The following ARHGAP20 variants were observed in gnomAD, a reference collection of about 807,000 sequenced individuals.
ARHGAP20 encodes Rho GTPase activating protein 20.
A neutral mutation model predicts 73.7 loss-of-function variants in ARHGAP20; 34 were observed. The ratio of observed to expected loss-of-function variants is 0.46; its 90% CI spans 0.35 to 0.61. The LOEUF (loss-of-function observed/expected upper bound fraction) is 0.61. Among genes scored for constraint, ARHGAP20 ranks in the 20% least tolerant of loss-of-function variants. The pLI, the probability that ARHGAP20 is intolerant of heterozygous loss-of-function variation, is 0.00. For missense variants in ARHGAP20, 1,314 were observed against 1,420.9 expected, an observed-to-expected ratio of 0.92 and a Z score of 1.21; for synonymous variants, 523 against 518.2, an observed-to-expected ratio of 1.01 and a Z score of -0.13.
At chr11:110,657,920 G>GAGGAAGGAAGGA (rs3044293) in intron 2 of ARHGAP20, among the ~76,000 whole-genome samples, 2,702 of 134,058 alleles carry the variant, frequency 0.02, 48 homozygotes, top group Non-Finnish European at 0.023. Context: ...AAAAGAGAGA[G>GAGGAAGGAAGGA]AGGAAGGAAG....
chr11:110,687,035 C>CATATATATATATATATAT lies in ARHGAP20; in HGVS notation c.188+3494_188+3511dup, dbSNP rs142490183. ...GCAGGAAATTAACTGAAGATTAAAA[C>CATATATATATATATATAT]ATATATATATATATATATATAGACA... is the stretch of plus-strand genomic sequence containing the variant. On this transcript the variant is annotated intron_variant, in intron 2 of 14. Transcript: ENST00000683387. Among the ~76,000 whole-genome samples the CATATATATATATATATAT allele has an allele frequency of 7.8e-3, 954 of 121,744 alleles. 13 individuals carry two copies. The highest frequency in any genetic ancestry group is 9.5e-3 in the African/African-American group (281 of 29,712). The allele number at this position is 121,744 out of a possible 152,430, so 79.9% of individuals were successfully genotyped here.
At chr11:110,596,113 G>T (rs879048431) in intron 9 of ARHGAP20, among the ~76,000 whole-genome samples, 1 of 152,084 alleles carries the variant, frequency 6.6e-6, no homozygotes, top group Non-Finnish European at 1.5e-5. Context: ...GAAACTGGAT[G>T]CCTTCCTCAC....
chr11:110,624,167 A>C lies in ARHGAP20; in HGVS notation c.498T>G (p.Thr166=). 6.2e-7 allele frequency: 1 copy of C among 1,610,348 alleles called. No individual in the cohort carries two copies. Among genetic ancestry groups the C allele is most frequent in the Non-Finnish European group, 8.5e-7 (1 of 1,179,170 alleles). Residue 166 remains threonine, a synonymous_variant, in exon 4 of 15, where the codon ACT becomes ACG. Coordinates refer to ENST00000683387, the MANE Select transcript of ARHGAP20 (RefSeq NM_001384657.1). ...GGACAAGCTGTGGTTCTTACCTGAA[A>C]GTGGCCACAAAGTTCACTGTGGGCC... The part of the protein sequence containing the change: ...LGWPTVNFVA[T]FSSPEQKDKW...
intron 2 of ARHGAP20, among the ~76,000 whole-genome samples, chr11:110,675,550 AGGCACAGGCTT>A (rs1020723872): frequency 6.6e-6 from 1 of 152,168 alleles, no homozygotes; most frequent in African/African-American, 2.4e-5. Flanking sequence ...TCAGATTATC[AGGCACAGGCTT>A]TAGATTCCCA....
rs10488765 is a variant in ARHGAP20, at chr11:110,581,161, A to G, written c.1785T>C (p.Asp595=). ...CCAAGTCACTGCATGGTGCATCAAC[A>G]TCCTCATTTAGCTCATTTTCCAAGC... ...YDSLENELNE[D]VDAPCSDLVK... The change falls in exon 15 of 15, where the codon GAT becomes GAC. Residue 595 remains aspartate (D), a synonymous_variant. Coordinates refer to ENST00000683387, the MANE Select transcript of ARHGAP20 (RefSeq NM_001384657.1). The G allele has an allele frequency of 0.068, 109,240 of 1,614,052 alleles. 3,969 individuals carry two copies. The highest frequency in any genetic ancestry group is 0.09 in the Middle Eastern group (544 of 6,060).
intron 9 of ARHGAP20, among the ~76,000 whole-genome samples, chr11:110,592,626 A>G (rs1285625650): frequency 6.6e-6 from 1 of 152,170 alleles, no homozygotes; most frequent in African/African-American, 2.4e-5. Context: ...AGTAGGAGTA[A>G]GAGAAGGACA....
In ARHGAP20 at chr11:110,580,596, C is replaced by T; in HGVS notation, c.2350G>A (p.Gly784Ser). The change falls in exon 15 of 15, where the codon GGT (glycine) becomes AGT (serine). Residue 784 changes from glycine (G) to serine (S), a missense_variant. Physicochemically the swap from Gly to Ser is moderately conservative, Grantham distance 56. Transcript: ENST00000683387. ...AGTTTCACGTGATTTCCTTCACTACCAGACAAGCTTTTCTTCTTAGTGTTT... is the reference window on the plus strand; with the variant it reads ...AGTTTCACGTGATTTCCTTCACTACTAGACAAGCTTTTCTTCTTAGTGTTT... Reference protein sequence around the residue: ...TQNTKKKSLSGSEGNHVKLFP... With the variant: ...TQNTKKKSLSSSEGNHVKLFP... 1 of 1,614,212 alleles carries T rather than the reference C, an allele frequency of 6.2e-7. No individual in the cohort carries two copies. The highest frequency in any genetic ancestry group is 8.5e-7 in the Non-Finnish European group (1 of 1,180,034).
chr11:110,608,609 T>C (rs1458388091), intron 8 of ARHGAP20, among the ~76,000 whole-genome samples: 1 of 152,058 alleles, frequency 6.6e-6, no homozygotes, highest in Non-Finnish European at 1.5e-5. Flanking sequence ...TAGAGGCACA[T>C]AGTAGGTAAG....
intron 2 of ARHGAP20, among the ~76,000 whole-genome samples, chr11:110,660,574 C>T (rs1453158665): frequency 6.6e-6 from 1 of 151,836 alleles, no homozygotes; most frequent in East Asian, 1.9e-4. Flanking sequence ...TTTCCAAGCC[C>T]ATCGACAGAT....
At position 110,580,920 on chromosome 11, in the gene ARHGAP20, C is replaced by T. The variant is rs374808167; in HGVS notation, c.2026G>A (p.Ala676Thr). ...CTGGGTGTGCACATGGCAGATGGGG[C>T]CCTGGCATGATCCCGCAGTGGGATC... ...TKIPLRDHARAPSAMCTPSYL... is the reference protein window; with the variant it reads ...TKIPLRDHARTPSAMCTPSYL... The change falls in exon 15 of 15, where the codon GCC (alanine) becomes ACC (threonine). Residue 676 changes from alanine (A) to threonine (T), a missense_variant. Ala to Thr is a moderately conservative substitution (Grantham distance 58). Around this residue, in one of 3 missense-constraint regions of ARHGAP20, gnomAD observed 641 missense variants for 636.9 expected, o/e 1.01. Transcript: ENST00000683387. 4.9e-5 allele frequency: 79 copies of T among 1,613,690 alleles called. No individual in the cohort carries two copies. Among genetic ancestry groups the T allele is most frequent in the South Asian group, 2.2e-5 (2 of 91,088 alleles).
chr11:110,625,717 G>A (rs915980027), intron 3 of ARHGAP20, among the ~76,000 whole-genome samples: 1 of 152,048 alleles, frequency 6.6e-6, no homozygotes, highest in Non-Finnish European at 1.5e-5. Context: ...CATATCTCTT[G>A]ACCTAATTGT....
intron 14 of ARHGAP20, among the ~76,000 whole-genome samples, chr11:110,581,665 T>C (rs1192365221): frequency 6.6e-6 from 1 of 152,250 alleles, no homozygotes; most frequent in East Asian, 1.9e-4. Flanking sequence ...CATTACCTTA[T>C]TTAATCTTTA....
At chr11:110,659,717 C>T (rs60881676) in intron 2 of ARHGAP20, among the ~76,000 whole-genome samples, 42,685 of 151,502 alleles carry the variant, frequency 0.28, 6,509 homozygotes, top group African/African-American at 0.4. Context: ...TGGAATACTA[C>T]GCAGCCATAA....
At chr11:110,604,914 T>G (rs1309243539) in intron 9 of ARHGAP20, among the ~76,000 whole-genome samples, 1 of 152,112 alleles carries the variant, frequency 6.6e-6, no homozygotes, top group Non-Finnish European at 1.5e-5. Flanking sequence ...GACAGTTGAC[T>G]CAAGTAGTTG....
chr11:110,703,251 A>C (rs1378134202), intron 1 of ARHGAP20, among the ~76,000 whole-genome samples: 2 of 152,196 alleles, frequency 1.3e-5, no homozygotes, highest in African/African-American at 4.8e-5. Flanking sequence ...TTTCTGAAGA[A>C]AGAATTGATT....
At chr11:110,662,358 C>T (rs1355334072) in intron 2 of ARHGAP20, among the ~76,000 whole-genome samples, 1 of 151,764 alleles carries the variant, frequency 6.6e-6, no homozygotes, top group Non-Finnish European at 1.5e-5. Flanking sequence ...AAAATTAAAA[C>T]AAATTAACCA....
intron 2 of ARHGAP20, among the ~76,000 whole-genome samples, chr11:110,643,182 C>T (rs1001097663): frequency 6.6e-6 from 1 of 151,956 alleles, no homozygotes; most frequent in East Asian, 1.9e-4. Flanking sequence ...GTTATTATAC[C>T]TAGCAGTCTC....
intron 2 of ARHGAP20, among the ~76,000 whole-genome samples, chr11:110,648,192 A>AATATATATATATATATGTAAAT (rs1367387535): frequency 8.3e-6 from 1 of 120,266 alleles, no homozygotes; most frequent in Non-Finnish European, 1.7e-5. Context: ...TATATATGTA[A>AATATATATATATATATGTAAAT]ATATATATAT....
At chr11:110,683,341 C>T (rs1311484639) in intron 2 of ARHGAP20, among the ~76,000 whole-genome samples, 1 of 152,020 alleles carries the variant, frequency 6.6e-6, no homozygotes, top group Admixed American at 6.6e-5. Context: ...AACAAAGAAA[C>T]ATTTTGTTAA....
Sources: gnomAD v4.1 joint callset for allele counts (sites outside exome capture counted in the v4.1 genomes callset) on GRCh38, gnomAD v4.1.1 for gene constraint, gnomAD v4.1.1 regional missense constraint, MANE v1.5 for transcripts, NCBI Gene and HGNC (gene_info 2026-07-23, HGNC 2026-07-21) for gene names.